TMPRSS7: variants seen among roughly 807,000 people sequenced by gnomAD.
The protein encoded by TMPRSS7 is transmembrane protease serine 7.
In TMPRSS7, 81 loss-of-function variants were observed where a neutral mutation model predicts 95.6. The ratio of observed to expected loss-of-function variants is 0.85; its 90% confidence interval spans 0.71 to 1.02. The LOEUF is 1.02. Among genes scored for constraint, TMPRSS7 ranks in the 50% least tolerant of loss-of-function variants. TMPRSS7 has a pLI of 0.00. For synonymous variants in TMPRSS7, 364 were observed against 337.8 expected, an observed-to-expected ratio of 1.08 and a Z score of -0.85; for missense variants, 945 against 955.2, an observed-to-expected ratio of 0.99 and a Z score of 0.14.
chr3:112,041,163 C>T (rs563923144), intron 2 of TMPRSS7, among the ~76,000 whole-genome samples: 15 of 151,958 alleles, frequency 9.9e-5, no homozygotes, highest in Admixed American at 2.6e-4. Context: ...TTTATATGGT[C>T]GGCCTAGAGG....
chr3:112,038,582 T>A (rs559608781), intron 2 of TMPRSS7, among the ~76,000 whole-genome samples: 15 of 152,294 alleles, frequency 9.8e-5, no homozygotes, highest in African/African-American at 3.6e-4. Flanking sequence ...GCAATCCTGC[T>A]GCCTCAGCCT....
At chr3:112,042,076 T>C (rs2073216448) in intron 3 of TMPRSS7, 26 bp downstream of exon 3, 2 of 1,541,844 alleles carry the variant, frequency 1.3e-6, no homozygotes, top group South Asian at 1.2e-5. Flanking sequence ...TAGAGGGTAT[T>C]AGGGTAGAGT....
At chr3:112,054,470 G>C (rs1478745475) in intron 9 of TMPRSS7, among the ~76,000 whole-genome samples, 2 of 152,114 alleles carry the variant, frequency 1.3e-5, no homozygotes, top group African/African-American at 4.8e-5. Context: ...ATGACTTTTG[G>C]CCAATCTGTA....
At position 112,047,724 on chromosome 3, in the gene TMPRSS7, G is replaced by T. The variant is rs2073297163; in HGVS notation, c.731-15G>T. ...AAAAAAAAGAAAATAAAGGAAAATG[G>T]TGCTGTCTCCACAGACAAAGGCTGC... On this transcript the variant is annotated splice_polypyrimidine_tract_variant and intron_variant, in intron 6 of 17. Transcript: ENST00000452346. The T allele has an allele frequency of 6.4e-7, 1 of 1,553,906 alleles. No homozygotes were observed. Among genetic ancestry groups the T allele is most frequent in the Non-Finnish European group, 8.8e-7 (1 of 1,134,432 alleles).
In TMPRSS7 at chr3:112,077,094, G is replaced by A. The variant is rs1190443639; in HGVS notation, c.2174G>A (p.Arg725His). 26 of 1,614,032 alleles carry A rather than the reference G, an allele frequency of 1.6e-5. No individual in the cohort carries two copies. The highest frequency in any genetic ancestry group is 2.2e-5 in the East Asian group (1 of 44,882). Reference sequence around the variant, plus strand: ...ATTCCTCCCACTGGTCAGAGAGTTCGCAGTGGGGAGAAGTGCTGGGTAACT... The same window carrying A: ...ATTCCTCCCACTGGTCAGAGAGTTCACAGTGGGGAGAAGTGCTGGGTAACT... The change falls in exon 16 of 18, where the codon CGC becomes CAC. Residue 725 changes from arginine to histidine, a missense_variant. Arg to His is a conservative substitution (Grantham distance 29, BLOSUM62 0). Coordinates refer to ENST00000452346, the Ensembl canonical transcript of TMPRSS7.
At chr3:112,054,728 G>GTTTTTT (rs1357112428) in intron 9 of TMPRSS7, among the ~76,000 whole-genome samples, 5 of 37,608 alleles carry the variant, frequency 1.3e-4, no homozygotes, top group Non-Finnish European at 2.5e-4. Flanking sequence ...CTCTCAGTTT[G>GTTTTTT]CTTTTTTTTT....
At position 112,052,596 on chromosome 3, in the gene TMPRSS7, C is replaced by T. The variant is rs116341807; in HGVS notation, c.1203+1813C>T. Among the ~76,000 whole-genome samples, 760 of 151,840 alleles carry T rather than the reference C, an allele frequency of 5.0e-3. 12 individuals are homozygous for T. Among genetic ancestry groups the T allele is most frequent in the African/African-American group, 0.017 (716 of 41,388 alleles). ...GAAATGCAGGGCCTCAGATAAGCAG[C>T]AAGTCTGAGGAGGAGAGGAAAAGAG... On this transcript the variant is annotated intron_variant, in intron 9 of 17. Coordinates refer to ENST00000452346, the Ensembl canonical transcript of TMPRSS7.
Position 112,057,149 on chromosome 3 carries a change from G to A in TMPRSS7, c.1310+18G>A, listed in dbSNP as rs780675545. On this transcript the variant is annotated intron_variant, in intron 10 of 17. Transcript: ENST00000452346. Reference sequence around the variant, plus strand: ...GAGCACATGTAAGTGATTTTCATATGTTTTCATATGTGAGGCATCTGATGA... The same window carrying A: ...GAGCACATGTAAGTGATTTTCATATATTTTCATATGTGAGGCATCTGATGA... The A allele has an allele frequency of 2.8e-5, 44 of 1,550,964 alleles. No homozygotes were observed. In the South Asian group the frequency reaches 4.8e-4, roughly 17 times the overall value.
chr3:112,051,625 CATCTATCTATCT>C (rs10546402), intron 9 of TMPRSS7, among the ~76,000 whole-genome samples: 1,559 of 142,530 alleles, frequency 0.011, 28 homozygotes, highest in African/African-American at 0.039. Flanking sequence ...CTATCTCTAT[CATCTATCTATCT>C]ATCTATCTAT....
At chr3:112,073,932 A>G (rs1417429469) in intron 13 of TMPRSS7, among the ~76,000 whole-genome samples, 1 of 152,248 alleles carries the variant, frequency 6.6e-6, no homozygotes, top group African/African-American at 2.4e-5. Flanking sequence ...ATAACTGAGC[A>G]TGGCTGTGAT....
exon 13 of TMPRSS7, chr3:112,066,477 C>G (rs2073577595): frequency 6.2e-7 from 1 of 1,613,758 alleles, no homozygotes; most frequent in Admixed American, 1.7e-5. Context: ...GTGAGAATGG[C>G]CGGGATGAGC....
intron 13 of TMPRSS7, among the ~76,000 whole-genome samples, chr3:112,068,628 C>T (rs150483368): frequency 2.7e-3 from 404 of 152,248 alleles, no homozygotes; most frequent in Non-Finnish European, 3.7e-3. Context: ...CTCTGTTTGC[C>T]TGTTATTGGT....
intron 4 of TMPRSS7, among the ~76,000 whole-genome samples, chr3:112,045,363 G>T (rs1451492818): frequency 6.6e-6 from 1 of 152,174 alleles, no homozygotes; most frequent in Non-Finnish European, 1.5e-5. Context: ...AGTCAGGCTG[G>T]TCTCGAACTC....
chr3:112,038,927 A>C (rs1229502013), intron 2 of TMPRSS7, among the ~76,000 whole-genome samples: 1 of 151,846 alleles, frequency 6.6e-6, no homozygotes, highest in Non-Finnish European at 1.5e-5. Context: ...TGCTCAGGAG[A>C]TTTTGACTGG....
intron 4 of TMPRSS7, 124 bp downstream of exon 4, chr3:112,044,446 T>C: frequency 1.2e-6 from 1 of 805,802 alleles, no homozygotes; most frequent in Non-Finnish European, 2.1e-6. Context: ...GGATTCATAC[T>C]GTATTAGCAC....
intron 2 of TMPRSS7, among the ~76,000 whole-genome samples, chr3:112,041,222 C>G (rs1232454102): frequency 6.6e-6 from 1 of 152,128 alleles, no homozygotes; most frequent in Non-Finnish European, 1.5e-5. Context: ...AAATCAAGGA[C>G]AGGAGTTCAA....
chr3:112,035,971 C>A (rs1224641396), intron 1 of TMPRSS7, among the ~76,000 whole-genome samples: 1 of 152,090 alleles, frequency 6.6e-6, no homozygotes, highest in African/African-American at 2.4e-5. Flanking sequence ...CAGCGGCTGG[C>A]AATGGCAAAA....
upstream of TMPRSS7, chr3:112,034,802 G>A: frequency 1.4e-6 from 1 of 702,056 alleles, no homozygotes. Context: ...GGCAAAAACT[G>A]GCTTTGAGAC....
intron 7 of TMPRSS7, among the ~76,000 whole-genome samples, chr3:112,048,748 T>C (rs1189524038): frequency 1.3e-5 from 2 of 152,250 alleles, no homozygotes; most frequent in Admixed American, 1.3e-4. Context: ...TATAAGAATA[T>C]GCAGTGAAAA....
Sources: allele counts gnomAD v4.1 joint callset (sites outside exome capture counted in the v4.1 genomes callset), GRCh38; gene constraint gnomAD v4.1.1; transcripts MANE v1.5; gene names NCBI Gene and HGNC (gene_info 2026-07-23, HGNC 2026-07-21).